The following VPS50 variants were observed in gnomAD, a reference collection of about 807,000 sequenced individuals.
The protein encoded by VPS50 is VPS50 subunit of EARP/GARPII complex.
A neutral mutation model predicts 139.7 loss-of-function variants in VPS50; 70 were observed. The ratio of observed to expected loss-of-function variants is 0.50; its 90% CI spans 0.41 to 0.61. The LOEUF (loss-of-function observed/expected upper bound fraction) is 0.61. VPS50 is among the 20% of genes least tolerant of loss of function. The pLI is 0.00. For missense variants in VPS50, 921 were observed against 1,133.7 expected, an observed-to-expected ratio of 0.81 and a Z score of 2.69; for synonymous variants, 365 against 376.7, an observed-to-expected ratio of 0.97 and a Z score of 0.36.
chr7:93,288,482 C>T (rs1796558003), intron 12 of VPS50, among the ~76,000 whole-genome samples: 1 of 152,116 alleles, frequency 6.6e-6, no homozygotes, highest in Non-Finnish European at 1.5e-5. Context: ...GGTATACCTT[C>T]AGTATAAATT....
At chr7:93,260,719 G>A (rs1795642409) in intron 9 of VPS50, among the ~76,000 whole-genome samples, 2 of 151,290 alleles carry the variant, frequency 1.3e-5, no homozygotes, top group East Asian at 1.9e-4. Flanking sequence ...TTTTAAAGAT[G>A]GAGTCTCACT....
intron 6 of VPS50, 46 bp from the exon 7 acceptor site, chr7:93,258,113 T>G (rs1795545837): frequency 1.3e-6 from 1 of 778,186 alleles, no homozygotes; most frequent in African/African-American, 1.8e-5. Flanking sequence ...GATAGTATTC[T>G]TATTATAATA....
chr7:93,333,826 C>A, intron 21 of VPS50: 1 of 339,114 alleles, frequency 2.9e-6, no homozygotes, highest in South Asian at 3.2e-5. Flanking sequence ...TCAAGTTTTG[C>A]AACTAAAAAT....
chr7:93,284,242 C>T (rs1312362780), intron 12 of VPS50, among the ~76,000 whole-genome samples: 1 of 152,150 alleles, frequency 6.6e-6, no homozygotes, highest in South Asian at 2.1e-4. Flanking sequence ...TGAAACCTCC[C>T]AAACACCTGA....
Position 93,358,539 on chromosome 7 carries a change from CT to C in VPS50, c.*106del. The C allele has an allele frequency of 1.1e-6, 1 of 941,680 alleles. No homozygotes were observed. The highest frequency in any genetic ancestry group is 1.6e-6 in the Non-Finnish European group (1 of 615,694). The allele number at this position is 941,680 out of a possible 1,614,324, so 58.3% of individuals were successfully genotyped here. On this transcript the variant is annotated 3_prime_UTR_variant, in exon 28 of 28. Coordinates refer to ENST00000305866, the MANE Select transcript of VPS50 (RefSeq NM_017667.4). ...TTCTGACAACTATCTGCTAAGAAAACTTTGTGCATGTTTTTTTGACTGGAAA... is the reference window on the plus strand; with the variant it reads ...TTCTGACAACTATCTGCTAAGAAAACTTGTGCATGTTTTTTTGACTGGAAA...
chr7:93,260,141 G>A (rs1050644068), intron 9 of VPS50, among the ~76,000 whole-genome samples: 2 of 152,120 alleles, frequency 1.3e-5, no homozygotes, highest in Admixed American at 6.5e-5. Flanking sequence ...AATGTGTTAT[G>A]TCTTTTGTTT....
chr7:93,276,803 G>C (rs1796168902), intron 12 of VPS50, among the ~76,000 whole-genome samples: 1 of 152,150 alleles, frequency 6.6e-6, no homozygotes, highest in Non-Finnish European at 1.5e-5. Context: ...AGTAGGTCCT[G>C]CTGAGGAGTT....
At chr7:93,333,468 T>A (rs1265162434) in intron 21 of VPS50, among the ~76,000 whole-genome samples, 1 of 152,212 alleles carries the variant, frequency 6.6e-6, no homozygotes, top group African/African-American at 2.4e-5. Context: ...TAACTATGTA[T>A]GATTACCTCT....
intron 22 of VPS50, among the ~76,000 whole-genome samples, chr7:93,338,422 A>T (rs1423068733): frequency 6.6e-6 from 1 of 152,146 alleles, no homozygotes; most frequent in African/African-American, 2.4e-5. Flanking sequence ...GTTAGAGAAG[A>T]TCCCTCTGGA....
At chr7:93,290,694 A>G (rs1420758457) in intron 12 of VPS50, among the ~76,000 whole-genome samples, 1 of 152,028 alleles carries the variant, frequency 6.6e-6, no homozygotes, top group East Asian at 1.9e-4. Flanking sequence ...TCTTAATTTC[A>G]AAGATTTGAT....
chr7:93,282,627 T>C (rs1164002042), intron 12 of VPS50, among the ~76,000 whole-genome samples: 1 of 152,208 alleles, frequency 6.6e-6, no homozygotes, highest in African/African-American at 2.4e-5. Flanking sequence ...ATGCCAGAGG[T>C]AGCATATCAA....
intron 18 of VPS50, among the ~76,000 whole-genome samples, chr7:93,307,866 A>T (rs756029864): frequency 6.6e-5 from 10 of 151,858 alleles, no homozygotes; most frequent in South Asian, 2.1e-4. Flanking sequence ...ACGACCTTTC[A>T]TAGTGCTTTT....
intron 2 of VPS50, among the ~76,000 whole-genome samples, chr7:93,243,025 A>G (rs1338494134): frequency 6.6e-6 from 1 of 151,946 alleles, no homozygotes; most frequent in Admixed American, 6.6e-5. Context: ...AACTATATAA[A>G]TTCAAAGTGG....
intron 22 of VPS50, among the ~76,000 whole-genome samples, chr7:93,336,664 C>T (rs947097786): frequency 2.0e-5 from 3 of 152,148 alleles, no homozygotes; most frequent in Non-Finnish European, 4.4e-5. Flanking sequence ...CAGGCTGTCA[C>T]CACCACGCCC....
Position 93,311,541 on chromosome 7 carries a change from GA to G in VPS50, c.1855+274del, listed in dbSNP as rs1287342207. Among the ~76,000 whole-genome samples, 20 of 152,158 alleles carry G rather than the reference GA, an allele frequency of 1.3e-4. 1 individual carries two copies. The East Asian group carries it at 3.9e-3, about 29-fold the overall frequency. On this transcript the variant is annotated intron_variant, in intron 20 of 27. Coordinates refer to ENST00000305866, the MANE Select transcript of VPS50 (RefSeq NM_017667.4). ...ATATTTCAGTTAATTGAAATGCGATGAAAAATTCTCTAGGTAGGTTAGAGGT... is the reference window on the plus strand; with the variant it reads ...ATATTTCAGTTAATTGAAATGCGATGAAAATTCTCTAGGTAGGTTAGAGGT...
intron 1 of VPS50, among the ~76,000 whole-genome samples, chr7:93,237,175 C>A (rs1334174899): frequency 2.4e-4 from 36 of 151,144 alleles, no homozygotes; most frequent in Non-Finnish European, 3.8e-4. Context: ...CCAGGATAGT[C>A]TCCATCTCCT....
chr7:93,323,669 C>A lies in VPS50; in HGVS notation c.1914C>A (p.Phe638Leu). The A allele has an allele frequency of 7.3e-7, 1 of 1,374,632 alleles. No individual in the cohort carries two copies. The highest frequency in any genetic ancestry group is 9.9e-7 in the Non-Finnish European group (1 of 1,013,406). 85.2% of individuals were successfully genotyped at this position (1,374,632 alleles called of 1,614,324 possible). A position where few individuals can be genotyped will look rare whatever the true frequency, so the allele number is the denominator to read the frequency against. Residue 638 changes from phenylalanine to leucine, a missense_variant, in exon 21 of 28, where the codon TTC becomes TTA. Coordinates refer to ENST00000305866, the MANE Select transcript of VPS50 (RefSeq NM_017667.4). Reference sequence around the variant, plus strand: ...CAATTGCCTTTGATGTTATTCATTTCATGTCTCAACTATTTGATTATTACT... The same window carrying A: ...CAATTGCCTTTGATGTTATTCATTTAATGTCTCAACTATTTGATTATTACT... Reference protein sequence around the residue: ...LKPIAFDVIHFMSQLFDYYLY... With the variant: ...LKPIAFDVIHLMSQLFDYYLY...
chr7:93,235,062 G>A (rs1794759034), intron 1 of VPS50, among the ~76,000 whole-genome samples: 1 of 152,202 alleles, frequency 6.6e-6, no homozygotes, highest in Non-Finnish European at 1.5e-5. Flanking sequence ...AGATAGGATG[G>A]CCACGGAAGG....
intron 22 of VPS50, among the ~76,000 whole-genome samples, chr7:93,338,454 C>G (rs546230467): frequency 6.6e-6 from 1 of 152,166 alleles, no homozygotes; most frequent in East Asian, 1.9e-4. Flanking sequence ...AAGAAGATCC[C>G]TAAAGGAAAT....
Sources: gnomAD v4.1 joint callset for allele counts (sites outside exome capture counted in the v4.1 genomes callset) on GRCh38, gnomAD v4.1.1 for gene constraint, MANE v1.5 for transcripts, NCBI Gene and HGNC (gene_info 2026-07-23, HGNC 2026-07-21) for gene names.